Variants in PTPRA observed in about 807,000 individuals in gnomAD.
PTPRA encodes the protein protein tyrosine phosphatase receptor type A.
In PTPRA, 25 loss-of-function variants were observed where a neutral mutation model predicts 104.8. The ratio of observed to expected loss-of-function variants is 0.24; its 90% CI spans 0.17 to 0.33. The LOEUF (loss-of-function observed/expected upper bound fraction) is 0.33, where lower values mean the gene tolerates loss of function less well. PTPRA is among the 10% of genes least tolerant of loss of function. The pLI is 1.00. For synonymous variants in PTPRA, 323 were observed against 368.9 expected (o/e 0.88, Z 1.43); for missense variants, 765 against 1,015.3 (o/e 0.75, Z 3.35).
intron 10 of PTPRA, among the ~76,000 whole-genome samples, chr20:3,005,525 T>G (rs1004736610): frequency 6.6e-6 from 1 of 152,118 alleles, no homozygotes; most frequent in African/African-American, 2.4e-5. Context: ...CATTCTAGCC[T>G]GGGTGACAGG....
Position 2,923,231 on chromosome 20 carries a change from G to C in PTPRA, c.-104G>C, listed in dbSNP as rs749120730. ...GGTGACACAACTAAAAAAAAACAAA[G>C]GTATTTATGGAATTCCACTGAGTGG... is the stretch of plus-strand genomic sequence containing the variant. On this transcript the variant is annotated 5_prime_UTR_variant, in exon 2 of 24. Coordinates refer to ENST00000399903, the MANE Select transcript of PTPRA (RefSeq NM_001385305.1). 88 of 1,259,182 alleles carry C rather than the reference G, an allele frequency of 7.0e-5. No homozygotes were observed. In the Middle Eastern group the frequency reaches 2.4e-3, roughly 34 times the overall value. 78.0% of individuals were successfully genotyped at this position (1,259,182 alleles called of 1,614,324 possible). A position where few individuals can be genotyped will look rare whatever the true frequency, so the allele number is the denominator to read the frequency against.
intron 9 of PTPRA, among the ~76,000 whole-genome samples, chr20:3,003,535 C>T (rs2063728122): frequency 6.6e-6 from 1 of 151,856 alleles, no homozygotes; most frequent in Admixed American, 6.6e-5. Flanking sequence ...AAAGTGCCTC[C>T]CTTTTTGCTT....
At chr20:3,007,490 G>A in intron 11 of PTPRA, 70 bp downstream of exon 11, 1 of 1,472,548 alleles carries the variant, frequency 6.8e-7, no homozygotes, top group Non-Finnish European at 9.5e-7. Context: ...CTCCTCCCCA[G>A]CTGTGTGTTA....
chr20:2,874,847 G>A (rs2089609151), intron 1 of PTPRA, among the ~76,000 whole-genome samples: 1 of 152,188 alleles, frequency 6.6e-6, no homozygotes, highest in East Asian at 1.9e-4. Context: ...TAGCCTAATC[G>A]GATCCTCCAA....
intron 2 of PTPRA, among the ~76,000 whole-genome samples, chr20:2,946,201 G>A (rs1455581108): frequency 6.6e-6 from 1 of 152,080 alleles, no homozygotes; most frequent in Admixed American, 6.6e-5. Flanking sequence ...AACCAAAAAA[G>A]TATGTGGGAG....
chr20:2,877,890 C>T (rs1472849894), intron 1 of PTPRA, among the ~76,000 whole-genome samples: 5 of 152,094 alleles, frequency 3.3e-5, no homozygotes, highest in East Asian at 1.9e-4. Flanking sequence ...CGGTGGCTCA[C>T]GCCTGTAATC....
intron 20 of PTPRA, among the ~76,000 whole-genome samples, chr20:3,029,990 C>T (rs2065352668): frequency 6.6e-6 from 1 of 152,162 alleles, no homozygotes; most frequent in African/African-American, 2.4e-5. Context: ...TCTGATCAGT[C>T]GTGATGGAAC....
intron 12 of PTPRA, among the ~76,000 whole-genome samples, chr20:3,017,214 G>A (rs2064510428): frequency 6.6e-6 from 1 of 152,040 alleles, no homozygotes; most frequent in African/African-American, 2.4e-5. Context: ...CAGTTGCATT[G>A]TGGATTGGTT....
rs755994497 is a variant in PTPRA, at chr20:3,037,111, G to C, written c.2199-43G>C. On this transcript the variant is annotated intron_variant, in intron 22 of 23. Transcript: ENST00000399903. This position sits in a 1 kb window ranked among gnomAD's most constrained non-coding sequence, Gnocchi z 4.3. ...CCACTGTCACTCACCCCCTTGCACA[G>C]AGGGCCATCACAGGTGTGGTAAATG... The C allele has an allele frequency of 3.1e-6, 5 of 1,604,340 alleles. No individual in the cohort carries two copies. In the South Asian group the frequency reaches 5.6e-5, roughly 18 times the overall value.
rs116388138 is a variant in PTPRA, at chr20:3,015,124, T to A, written c.907-725T>A. On this transcript the variant is annotated intron_variant, in intron 11 of 23. Transcript: ENST00000399903. ...GTAAAGCATCCTTGAGAAAATAACC[T>A]GTTTTCTTTCCCAGAGTGAACCCAG... Among the ~76,000 whole-genome samples, 608 of 152,234 alleles carry A rather than the reference T, an allele frequency of 4.0e-3. 8 individuals are homozygous for A. The highest frequency in any genetic ancestry group is 0.014 in the African/African-American group (593 of 41,546).
At chr20:2,994,649 A>G (rs1005282939) in intron 9 of PTPRA, among the ~76,000 whole-genome samples, 6 of 152,176 alleles carry the variant, frequency 3.9e-5, no homozygotes, top group Admixed American at 6.5e-5. Flanking sequence ...TTTAGAGTCC[A>G]TATGCCACTC....
intron 5 of PTPRA, 46 bp from the exon 6 acceptor site, chr20:2,975,168 GT>G: frequency 6.7e-7 from 1 of 1,487,766 alleles, no homozygotes; most frequent in Non-Finnish European, 9.3e-7. Context: ...ATTGTAATGT[GT>G]TTCTTTAACC....
At chr20:3,026,379 C>T (rs986831814) in intron 17 of PTPRA, among the ~76,000 whole-genome samples, 4 of 152,146 alleles carry the variant, frequency 2.6e-5, no homozygotes, top group Non-Finnish European at 5.9e-5. Flanking sequence ...CTTAGGCAGC[C>T]TCTGGGGGTG....
intron 11 of PTPRA, among the ~76,000 whole-genome samples, chr20:3,009,842 T>C (rs2064071147): frequency 1.4e-5 from 2 of 143,910 alleles, no homozygotes; most frequent in South Asian, 4.2e-4. Context: ...AAAAGTTGTC[T>C]AGATGGGAAC....
chr20:2,985,333 A>G (rs1462975652), intron 6 of PTPRA, among the ~76,000 whole-genome samples: 1 of 152,228 alleles, frequency 6.6e-6, no homozygotes, highest in African/African-American at 2.4e-5. Flanking sequence ...AGCTGAGAAG[A>G]GAGACGCGAG....
intron 2 of PTPRA, among the ~76,000 whole-genome samples, chr20:2,936,983 T>TA (rs1361333870): frequency 2.6e-5 from 4 of 152,146 alleles, no homozygotes; most frequent in Admixed American, 2.6e-4. Context: ...TGTATCTCTT[T>TA]ATAAAGTTTT....
At chr20:2,882,678 G>A (rs2090126916) in intron 1 of PTPRA, among the ~76,000 whole-genome samples, 1 of 152,092 alleles carries the variant, frequency 6.6e-6, no homozygotes, top group Admixed American at 6.6e-5. Context: ...AGTTGTACTG[G>A]AGAAGACATA....
intron 9 of PTPRA, among the ~76,000 whole-genome samples, chr20:2,994,631 G>GCTGA (rs2063327332): frequency 6.6e-6 from 1 of 152,186 alleles, no homozygotes; most frequent in Admixed American, 6.5e-5. Context: ...TCAGTAGAAG[G>GCTGA]CTGAGCCTTT....
intron 1 of PTPRA, among the ~76,000 whole-genome samples, chr20:2,894,988 C>CAAAA (rs58817434): frequency 9.6e-6 from 1 of 104,472 alleles, no homozygotes; most frequent in African/African-American, 3.9e-5. Context: ...CTCCTTCACC[C>CAAAA]AAAAAAAAAA....
Sources: allele counts gnomAD v4.1 joint callset (sites outside exome capture counted in the v4.1 genomes callset), GRCh38; gene constraint gnomAD v4.1.1; non-coding constraint Gnocchi (gnomAD v3.1); transcripts MANE v1.5; gene names NCBI Gene and HGNC (gene_info 2026-07-23, HGNC 2026-07-21).